The following HCN1 variants were observed in gnomAD, a reference collection of about 807,000 sequenced individuals.
HCN1 encodes the protein hyperpolarization activated cyclic nucleotide gated potassium channel 1, also known as potassium/sodium hyperpolarization-activated cyclic nucleotide-gated channel 1.
HCN1 carries 13 observed loss-of-function variants against 78.9 expected under a neutral mutation model. That is an observed-to-expected ratio of 0.16 (90% CI 0.11 to 0.26). The LOEUF is 0.26. Among genes scored for constraint, HCN1 ranks in the 10% least tolerant of loss-of-function variants. HCN1 has a pLI of 1.00. For missense variants in HCN1, 810 were observed against 1,154.3 expected (o/e 0.70, Z 4.32); for synonymous variants, 552 against 455.5 (o/e 1.21, Z -2.70).
chr5:45,376,994 T>C (rs1354678776), intron 4 of HCN1, among the ~76,000 whole-genome samples: 1 of 151,960 alleles, frequency 6.6e-6, no homozygotes, highest in Non-Finnish European at 1.5e-5. Context: ...TGAAGACTTG[T>C]TGAGAAAACT....
At chr5:45,316,223 G>A (rs1042021695) in intron 5 of HCN1, among the ~76,000 whole-genome samples, 1 of 152,136 alleles carries the variant, frequency 6.6e-6, no homozygotes, top group Admixed American at 6.5e-5. Context: ...CCATGATCAA[G>A]TGGGCTTCAT....
intron 4 of HCN1, among the ~76,000 whole-genome samples, chr5:45,363,658 A>C (rs1313070300): frequency 6.6e-6 from 1 of 151,816 alleles, no homozygotes; most frequent in African/African-American, 2.4e-5. Context: ...TGTGGGAGGG[A>C]CCCAGGGGGT....
intron 3 of HCN1, among the ~76,000 whole-genome samples, chr5:45,445,914 T>G (rs1411795437): frequency 6.6e-6 from 1 of 151,822 alleles, no homozygotes; most frequent in Non-Finnish European, 1.5e-5. Flanking sequence ...AGAACAAAAG[T>G]AGATAAAACC....
chr5:45,486,650 T>G (rs960081689), intron 2 of HCN1, among the ~76,000 whole-genome samples: 2 of 152,232 alleles, frequency 1.3e-5, no homozygotes, highest in African/African-American at 4.8e-5. Flanking sequence ...ATAGCAAAGC[T>G]ACTTTAAAAT....
At chr5:45,618,738 G>A (rs972453195) in intron 2 of HCN1, among the ~76,000 whole-genome samples, 1 of 151,920 alleles carries the variant, frequency 6.6e-6, no homozygotes, top group African/African-American at 2.4e-5. Context: ...AAATAATCAG[G>A]ACTTAATAAT....
Position 45,340,521 on chromosome 5 carries a change from T to G in HCN1, c.1377+12579A>C, listed in dbSNP as rs539353920. ...TGTTGGATTACCTTTGTCTCCTTGC[T>G]ATGATCTGTCTCACTCTACTTTGAA... On this transcript the variant is annotated intron_variant, in intron 5 of 7. Coordinates refer to ENST00000303230, the MANE Select transcript of HCN1 (RefSeq NM_021072.4). 3.3e-5 allele frequency among the ~76,000 whole-genome samples: 5 copies of G among 152,338 alleles called. No individual in the cohort carries two copies. In the South Asian group the frequency reaches 1.0e-3, roughly 32 times the overall value.
intron 1 of HCN1, among the ~76,000 whole-genome samples, chr5:45,667,427 G>T (rs1159902548): frequency 6.6e-6 from 1 of 151,802 alleles, no homozygotes; most frequent in Non-Finnish European, 1.5e-5. Context: ...AAAAATAAAG[G>T]TATTTAAGAC....
At chr5:45,335,645 A>G (rs1746438302) in intron 5 of HCN1, among the ~76,000 whole-genome samples, 1 of 152,072 alleles carries the variant, frequency 6.6e-6, no homozygotes, top group East Asian at 1.9e-4. Flanking sequence ...TCACTCCCTA[A>G]AATATAACAG....
At chr5:45,622,711 C>T in intron 2 of HCN1, among the ~76,000 whole-genome samples, 1 of 152,134 alleles carries the variant, frequency 6.6e-6, no homozygotes, top group African/African-American at 2.4e-5. Context: ...AAAAGAAGCC[C>T]ATCAACATGA....
intron 2 of HCN1, among the ~76,000 whole-genome samples, chr5:45,545,869 T>TAC (rs1743213149): frequency 6.6e-6 from 1 of 152,050 alleles, no homozygotes; most frequent in African/African-American, 2.4e-5. Flanking sequence ...CTTCCTACTG[T>TAC]AATATAGACC....
chr5:45,612,699 T>A (rs577289041), intron 2 of HCN1, among the ~76,000 whole-genome samples: 11 of 152,284 alleles, frequency 7.2e-5, no homozygotes, highest in Non-Finnish European at 1.3e-4. Context: ...AGAGTACATG[T>A]CTCAAAGCCA....
chr5:45,619,815 A>G (rs1010969043), intron 2 of HCN1, among the ~76,000 whole-genome samples: 5 of 152,094 alleles, frequency 3.3e-5, no homozygotes, highest in Non-Finnish European at 5.9e-5. Context: ...ACTCAGGCCC[A>G]CAAATTCTTT....
chr5:45,344,147 G>A (rs1260001374), intron 5 of HCN1, among the ~76,000 whole-genome samples: 1 of 152,088 alleles, frequency 6.6e-6, no homozygotes, highest in African/African-American at 2.4e-5. Flanking sequence ...GAAGTGATGA[G>A]CAAAAGGGGA....
At chr5:45,504,067 G>A (rs529489345) in intron 2 of HCN1, among the ~76,000 whole-genome samples, 19 of 152,200 alleles carry the variant, frequency 1.2e-4, no homozygotes, top group Admixed American at 5.2e-4. Flanking sequence ...TTGCAGGCAT[G>A]AGCCACCATG....
chr5:45,542,586 G>A (rs1046987498), intron 2 of HCN1, among the ~76,000 whole-genome samples: 4 of 152,126 alleles, frequency 2.6e-5, no homozygotes, highest in South Asian at 2.1e-4. Flanking sequence ...TGGTGACAGC[G>A]AGCAGACCAG....
chr5:45,653,906 A>T (rs2112044587), intron 1 of HCN1, among the ~76,000 whole-genome samples: 1 of 152,156 alleles, frequency 6.6e-6, no homozygotes, highest in Admixed American at 6.6e-5. Flanking sequence ...GTACCCTAAA[A>T]CTTAAAAGTA....
At position 45,637,315 on chromosome 5, in the gene HCN1, CATT is replaced by C. The variant is rs553121304; in HGVS notation, c.849+7867_849+7869del. On this transcript the variant is annotated intron_variant, in intron 2 of 7. Transcript: ENST00000303230. The stretch of plus-strand genomic sequence containing the variant: ...AATGCTTGTAATACTGGATTCAAGA[CATT>C]GTTGTTTTATTTATCGGTTTGTCTA... Among the ~76,000 whole-genome samples, 134 of 152,128 alleles carry C rather than the reference CATT, an allele frequency of 8.8e-4. 1 individual carries two copies. The South Asian group carries it at 9.4e-3, about 11-fold the overall frequency.
At chr5:45,375,109 TATATA>T (rs1175226826) in intron 4 of HCN1, among the ~76,000 whole-genome samples, 3 of 122,702 alleles carry the variant, frequency 2.4e-5, no homozygotes, top group Non-Finnish European at 4.8e-5. Flanking sequence ...TATTTTATAA[TATATA>T]ATATATTATA....
At chr5:45,365,813 A>G (rs1747223507) in intron 4 of HCN1, among the ~76,000 whole-genome samples, 1 of 151,910 alleles carries the variant, frequency 6.6e-6, no homozygotes, top group Non-Finnish European at 1.5e-5. Flanking sequence ...ATACAGTAGA[A>G]ACAAGCAAGT....
Sources: gnomAD v4.1 joint callset for allele counts (sites outside exome capture counted in the v4.1 genomes callset) on GRCh38, gnomAD v4.1.1 for gene constraint, MANE v1.5 for transcripts, NCBI Gene and HGNC (gene_info 2026-07-23, HGNC 2026-07-21) for gene names.